The following RAB41 variants were observed in gnomAD, a reference collection of about 807,000 sequenced individuals.
RAB41 encodes ras-related protein Rab-41.
RAB41 carries 15 observed loss-of-function variants against 19.0 expected under a neutral mutation model. The observed-to-expected ratio is 0.79, with a 90% CI of 0.53 to 1.21. RAB41 has a LOEUF of 1.21. Ranked by LOEUF, RAB41 falls within the 50% of genes most tolerant of loss-of-function variation. RAB41 has a pLI of 0.00. For missense variants in RAB41, 177 were observed against 179.7 expected (o/e 0.99, Z 0.09); for synonymous variants, 73 against 64.7 (o/e 1.13, Z -0.62).
At position 70,283,355 on chromosome X, in the gene RAB41, G is replaced by A; in HGVS notation, c.325G>A (p.Val109Ile). ...SYIRDSTIAVVVYDITNINSF... is the reference protein window; with the variant it reads ...SYIRDSTIAVIVYDITNINSF... ...CATTCGTGATTCAACTATTGCAGTGGTTGTCTATGACATTACAAGTGGGTG... is the reference window on the plus strand; with the variant it reads ...CATTCGTGATTCAACTATTGCAGTGATTGTCTATGACATTACAAGTGGGTG... Residue 109 changes from valine (V) to isoleucine (I), a missense_variant, in exon 4 of 8, where the codon GTT becomes ATT. Val to Ile is a conservative substitution (Grantham distance 29). Coordinates refer to ENST00000374473, the MANE Select transcript of RAB41 (RefSeq NM_001363807.1). 1 of 1,204,222 alleles carries A rather than the reference G, an allele frequency of 8.3e-7. No homozygotes were observed. Among genetic ancestry groups the A allele is most frequent in the Non-Finnish European group, 1.1e-6 (1 of 888,508 alleles).
At chrX:70,284,084 G>C in intron 6 of RAB41, 41 bp downstream of exon 6, 1 of 1,018,034 alleles carries the variant, frequency 9.8e-7, no homozygotes, top group South Asian at 1.9e-5. Context: ...ATTGTGCTCT[G>C]TCTGTAGCTA....
At position 70,284,720 on chromosome X, in the gene RAB41, G is replaced by A; in HGVS notation, c.*77G>A. ...CCATACCAGTTCTCCTCCCCACCTC[G>A]TTTTATGATACATGGCCACTTACTC... is the stretch of plus-strand genomic sequence containing the variant. On this transcript the variant is annotated 3_prime_UTR_variant, in exon 8 of 8. Transcript: ENST00000374473. 2 of 806,191 alleles carry A rather than the reference G, an allele frequency of 2.5e-6. No homozygotes were observed. The highest frequency in any genetic ancestry group is 2.1e-5 in the South Asian group (1 of 47,103). The allele number at this position is 806,191 out of a possible 1,213,427, so 66.4% of individuals were successfully genotyped here.
chrX:70,282,873 T>C lies in RAB41; in HGVS notation c.237+18T>C. On this transcript the variant is annotated intron_variant, in intron 3 of 7. Transcript: ENST00000374473. ...ACCAAATAGTGAGTGTTAACTCTCA[T>C]ACCACTAACCCTACACTTCAACCCC... The C allele has an allele frequency of 5.1e-6, 6 of 1,176,027 alleles. No homozygotes were observed. The South Asian group carries it at 7.1e-5, about 14-fold the overall frequency.
At chrX:70,282,978 C>T (rs1478821073) in intron 3 of RAB41, 123 bp downstream of exon 3, 105 of 575,137 alleles carry the variant, frequency 1.8e-4, no homozygotes, top group Non-Finnish European at 1.7e-5. Context: ...TATGATGTTT[C>T]TTGTTCTGTC....
At chrX:70,283,491 T>C in intron 4 of RAB41, 22 bp from the exon 5 acceptor site, 1 of 1,155,974 alleles carries the variant, frequency 8.7e-7, no homozygotes, top group Non-Finnish European at 1.2e-6. Flanking sequence ...GTTTCAACGC[T>C]CTGGAACATA....
chrX:70,284,406 T>A (rs1390508822), intron 7 of RAB41, 77 bp downstream of exon 7: 18 of 1,074,859 alleles, frequency 1.7e-5, no homozygotes, highest in Non-Finnish European at 2.2e-5. Context: ...AGTTGATGCC[T>A]GAGTGGTACC....
In RAB41 at chrX:70,284,896, A is replaced by C. The variant is rs768575654; in HGVS notation, c.*253A>C. On this transcript the variant is annotated 3_prime_UTR_variant, in exon 8 of 8. Transcript: ENST00000374473. ...TCCGACAGCTAAAAGACATCTGTAG[A>C]GAATACAGTTCTACAGCAGCTGACA... 1.2e-5 allele frequency: 5 copies of C among 401,685 alleles called. No individual in the cohort carries two copies. The highest frequency in any genetic ancestry group is 2.2e-5 in the Non-Finnish European group (5 of 228,175). The allele number at this position is 401,685 out of a possible 1,213,427, so 33.1% of individuals were successfully genotyped here.
chrX:70,284,456 C>T (rs1001006356), intron 7 of RAB41, 127 bp downstream of exon 7: 39 of 922,763 alleles, frequency 4.2e-5, no homozygotes, highest in Non-Finnish European at 5.9e-5. Flanking sequence ...AAAGTAGTTC[C>T]TTCGTTTGCC....
rs372933858 is a variant in RAB41, at chrX:70,282,341, G to A, written c.124G>A (p.Val42Ile). ...ACTCTTATTCCTGGGAGAGCAGAGC[G>A]GTGTGGGTCTGGGTTGGGCTTTGGG... is the stretch of plus-strand genomic sequence containing the variant. Reference protein sequence around the residue: ...SKLLFLGEQSVGKTSIISRFM... With the variant: ...SKLLFLGEQSIGKTSIISRFM... The change falls in exon 1 of 8, where the codon GTA (valine) becomes ATA (isoleucine). Residue 42 changes from valine to isoleucine, a missense_variant and splice_region_variant. Physicochemically the swap from Val to Ile is conservative, Grantham distance 29. Coordinates refer to ENST00000374473, the MANE Select transcript of RAB41 (RefSeq NM_001363807.1). The A allele has an allele frequency of 7.6e-5, 92 of 1,209,915 alleles. No homozygotes were observed. Among genetic ancestry groups the A allele is most frequent in the Non-Finnish European group, 9.5e-5 (85 of 895,002 alleles).
At chrX:70,282,883 C>T in intron 3 of RAB41, 28 bp downstream of exon 3, 4 of 1,148,530 alleles carry the variant, frequency 3.5e-6, no homozygotes, top group Non-Finnish European at 4.8e-6. Context: ...TACCACTAAC[C>T]CTACACTTCA....
intron 6 of RAB41, 39 bp from the exon 7 acceptor site, chrX:70,284,227 C>CGTTTTT: frequency 2.2e-6 from 2 of 923,360 alleles, no homozygotes; most frequent in Non-Finnish European, 3.0e-6. Context: ...TTTTTTTCCC[C>CGTTTTT]TTTTTTTTTT....
At chrX:70,283,760 A>G in intron 5 of RAB41, 136 bp downstream of exon 5, 1 of 548,477 alleles carries the variant, frequency 1.8e-6, no homozygotes, top group Non-Finnish European at 3.1e-6. Context: ...GATGGGAAGG[A>G]CAGGGGGGCG....
chrX:70,282,619 C>G, intron 2 of RAB41, 28 bp downstream of exon 2: 1 of 1,184,531 alleles, frequency 8.4e-7, no homozygotes. Context: ...TCATATGGTA[C>G]ATTTTTGCCA....
intron 6 of RAB41, 53 bp from the exon 7 acceptor site, chrX:70,284,213 C>G (rs936804781): frequency 2.1e-6 from 2 of 931,566 alleles, no homozygotes; most frequent in African/African-American, 4.0e-5. Flanking sequence ...TGAACCTGAC[C>G]TTTTTTTTTT....
chrX:70,282,236 G>T lies in RAB41; in HGVS notation c.19G>T (p.Asp7Tyr). The T allele has an allele frequency of 1.7e-6, 2 of 1,212,082 alleles. No individual in the cohort carries two copies. The highest frequency in any genetic ancestry group is 2.2e-6 in the Non-Finnish European group (2 of 895,512). Residue 7 changes from aspartate to tyrosine, a missense_variant, in exon 1 of 8, where the codon GAC becomes TAC. Physicochemically the swap from Asp to Tyr is radical, Grantham distance 160 (BLOSUM62 -3). Coordinates refer to ENST00000374473, the MANE Select transcript of RAB41 (RefSeq NM_001363807.1). ...TGAAGCGATGTCTGCCTTTGGTCAC[G>T]ACGAGGCCTGGATGGAGGCCGGAGG... is the stretch of plus-strand genomic sequence containing the variant. MSAFGH[D>Y]EAWMEAGGFG...
In RAB41 at chrX:70,284,747, C is replaced by T; in HGVS notation, c.*104C>T. The T allele has an allele frequency of 1.6e-6, 1 of 631,937 alleles. No homozygotes were observed. The highest frequency in any genetic ancestry group is 2.6e-6 in the Non-Finnish European group (1 of 382,896). The allele number at this position is 631,937 out of a possible 1,213,427, so 52.1% of individuals were successfully genotyped here. ...TTTATGATACATGGCCACTTACTCT[C>T]TTCCAATTCCTAGGCTTGGGGTAAA... On this transcript the variant is annotated 3_prime_UTR_variant, in exon 8 of 8. Transcript: ENST00000374473.
In RAB41 at chrX:70,284,896, A is replaced by G; in HGVS notation, c.*253A>G. The G allele has an allele frequency of 2.5e-6, 1 of 401,685 alleles. No individual in the cohort carries two copies. The highest frequency in any genetic ancestry group is 4.4e-6 in the Non-Finnish European group (1 of 228,175). The allele number at this position is 401,685 out of a possible 1,213,427, so 33.1% of individuals were successfully genotyped here. On this transcript the variant is annotated 3_prime_UTR_variant, in exon 8 of 8. Transcript: ENST00000374473. ...TCCGACAGCTAAAAGACATCTGTAG[A>G]GAATACAGTTCTACAGCAGCTGACA...
chrX:70,283,578 G>A lies in RAB41; in HGVS notation c.409G>A (p.Val137Ile), dbSNP rs1242651098. ...EHVRAERGDD[V>I]VIMLLGNKID... is the part of the protein sequence containing the mutation. ...CGTGCGAGCAGAAAGAGGTGACGAT[G>A]TTGTCATCATGTTGTTGGGTAACAA... is the stretch of plus-strand genomic sequence containing the variant. The change falls in exon 5 of 8, where the codon GTT becomes ATT. Residue 137 changes from valine to isoleucine, a missense_variant. Physicochemically the swap from Val to Ile is conservative, Grantham distance 29. Coordinates refer to ENST00000374473, the MANE Select transcript of RAB41 (RefSeq NM_001363807.1). 3.3e-6 allele frequency: 4 copies of A among 1,209,282 alleles called. No individual in the cohort carries two copies. Among genetic ancestry groups the A allele is most frequent in the Non-Finnish European group, 4.5e-6 (4 of 893,037 alleles).
intron 7 of RAB41, 104 bp downstream of exon 7, chrX:70,284,433 C>A: frequency 1.0e-6 from 1 of 985,958 alleles, no homozygotes; most frequent in Non-Finnish European, 1.4e-6. Flanking sequence ...GAAAATGGGA[C>A]TAACTTTAGC....
Sources: gnomAD v4.1 joint callset for allele counts on GRCh38, gnomAD v4.1.1 for gene constraint, MANE v1.5 for transcripts, NCBI Gene and HGNC (gene_info 2026-07-23, HGNC 2026-07-21) for gene names.